NAPEPLD: variants seen among roughly 807,000 people sequenced by gnomAD.
The protein encoded by NAPEPLD is N-acyl-phosphatidylethanolamine-hydrolyzing phospholipase D.
A neutral mutation model predicts 38.1 loss-of-function variants in NAPEPLD; 23 were observed. The ratio of observed to expected loss-of-function variants is 0.60; its 90% confidence interval spans 0.43 to 0.86. NAPEPLD has a LOEUF of 0.86. Ranked by LOEUF, NAPEPLD falls within the 40% of genes least tolerant of loss-of-function variation. The probability of loss-of-function intolerance (pLI) is 0.00; values close to 1 mark genes in which losing one functional copy is unlikely to be tolerated. For synonymous variants in NAPEPLD, 147 were observed against 162.0 expected, an observed-to-expected ratio of 0.91 and a Z score of 0.71; for missense variants, 411 against 476.8, an observed-to-expected ratio of 0.86 and a Z score of 1.28.
intron 1 of NAPEPLD, among the ~76,000 whole-genome samples, chr7:103,129,721 A>G (rs1035908984): frequency 2.0e-5 from 3 of 152,192 alleles, no homozygotes; most frequent in Admixed American, 1.3e-4. Context: ...GTGAGTATGT[A>G]TCCTAGCTAT....
chr7:103,121,266 G>A (rs1460747563), intron 2 of NAPEPLD, among the ~76,000 whole-genome samples: 1 of 152,136 alleles, frequency 6.6e-6, no homozygotes, highest in Admixed American at 6.6e-5. Context: ...TTTATACTTG[G>A]ATTAAGCTAG....
intron 3 of NAPEPLD, among the ~76,000 whole-genome samples, chr7:103,118,618 T>C: frequency 6.6e-6 from 1 of 152,248 alleles, no homozygotes; most frequent in East Asian, 1.9e-4. Context: ...CAAAATGTTG[T>C]TGTATGTATC....
chr7:103,104,948 A>T (rs1803005265), intron 4 of NAPEPLD, among the ~76,000 whole-genome samples: 1 of 152,204 alleles, frequency 6.6e-6, no homozygotes, highest in Non-Finnish European at 1.5e-5. Flanking sequence ...CTACGTCAGT[A>T]ACTTATTTGC....
At chr7:103,125,988 T>G (rs975710488) in intron 2 of NAPEPLD, among the ~76,000 whole-genome samples, 1 of 152,092 alleles carries the variant, frequency 6.6e-6, no homozygotes, top group African/African-American at 2.4e-5. Flanking sequence ...TTGCTGAAAT[T>G]TATTAAAATT....
chr7:103,117,431 A>G (rs1687456994), intron 3 of NAPEPLD, among the ~76,000 whole-genome samples: 1 of 152,216 alleles, frequency 6.6e-6, no homozygotes, highest in African/African-American at 2.4e-5. Flanking sequence ...CCTGAAATAG[A>G]TTTAAATTTT....
At chr7:103,112,513 A>G (rs1008272744) in intron 4 of NAPEPLD, among the ~76,000 whole-genome samples, 1 of 152,156 alleles carries the variant, frequency 6.6e-6, no homozygotes, top group Non-Finnish European at 1.5e-5. Flanking sequence ...ACAGAAAACC[A>G]AACACCGCAT....
chr7:103,119,765 G>C lies in NAPEPLD; in HGVS notation c.753C>G (p.Ser251=). 1 of 1,614,096 alleles carries C rather than the reference G, an allele frequency of 6.2e-7. No homozygotes were observed. Among genetic ancestry groups the C allele is most frequent in the Non-Finnish European group, 8.5e-7 (1 of 1,180,010 alleles). ...HDKVTFVFTP[S]QHWCKRTLMD... is the part of the protein sequence containing the mutation. ...TTAGAGTCCTTTTACACCAGTGCTG[G>C]GAAGGTGTAAAGACAAAAGTGACCT... The change falls in exon 3 of 5, where the codon TCC becomes TCG. Residue 251 remains serine (S), a synonymous_variant. Coordinates refer to ENST00000465647, the MANE Select transcript of NAPEPLD (RefSeq NM_001122838.3).
Position 103,110,543 on chromosome 7 carries a change from G to A in NAPEPLD, c.1056+4517C>T, listed in dbSNP as rs570685030. Among the ~76,000 whole-genome samples, 5 of 151,016 alleles carry A rather than the reference G, an allele frequency of 3.3e-5. 1 individual carries two copies. The highest frequency in any genetic ancestry group is 1.2e-4 in the African/African-American group (5 of 41,370). ...TCGACAAAATTCAACAACCCTTCAA[G>A]TTATTCAATAAACTAGGTATTAATG... On this transcript the variant is annotated intron_variant, in intron 4 of 4. Coordinates refer to ENST00000465647, the MANE Select transcript of NAPEPLD (RefSeq NM_001122838.3).
At chr7:103,122,649 AC>A (rs1806956284) in intron 2 of NAPEPLD, among the ~76,000 whole-genome samples, 1 of 152,240 alleles carries the variant, frequency 6.6e-6, no homozygotes, top group African/African-American at 2.4e-5. Context: ...GGATAGAATT[AC>A]GAGTGGCTGG....
At chr7:103,115,490 A>C (rs1031128505) in intron 3 of NAPEPLD, 1 of 221,876 alleles carries the variant, frequency 4.5e-6, no homozygotes, top group Non-Finnish European at 8.7e-6. Flanking sequence ...AAATTGCTAT[A>C]AAATAAGTAA....
intron 1 of NAPEPLD, among the ~76,000 whole-genome samples, chr7:103,146,968 C>T (rs1405235350): frequency 6.6e-6 from 1 of 152,056 alleles, no homozygotes; most frequent in Non-Finnish European, 1.5e-5. Context: ...TTTGAAAGAG[C>T]TTTGTAAATG....
At chr7:103,139,125 C>A (rs1027676365) in intron 1 of NAPEPLD, among the ~76,000 whole-genome samples, 2 of 152,136 alleles carry the variant, frequency 1.3e-5, no homozygotes, top group African/African-American at 4.8e-5. Context: ...TTATTAAGAG[C>A]CAGGACATAT....
At chr7:103,134,283 T>C (rs1809577982) in intron 1 of NAPEPLD, among the ~76,000 whole-genome samples, 2 of 152,234 alleles carry the variant, frequency 1.3e-5, no homozygotes, top group Admixed American at 1.3e-4. Context: ...CTAAATTTGT[T>C]CTAGAAAACT....
At chr7:103,126,473 C>G (rs1807816069) in intron 2 of NAPEPLD, among the ~76,000 whole-genome samples, 1 of 152,206 alleles carries the variant, frequency 6.6e-6, no homozygotes, top group African/African-American at 2.4e-5. Flanking sequence ...TAGGCTTGCT[C>G]TTTAGGACCT....
chr7:103,121,767 G>GT (rs1806743228), intron 2 of NAPEPLD, among the ~76,000 whole-genome samples: 1 of 151,926 alleles, frequency 6.6e-6, no homozygotes, highest in African/African-American at 2.4e-5. Flanking sequence ...ATGTATGTTT[G>GT]TAAGTTGCCA....
rs369637374 is a variant in NAPEPLD, at chr7:103,103,551, A to C, written c.1060T>G (p.Tyr354Asp). The C allele has an allele frequency of 3.8e-6, 6 of 1,572,422 alleles. No individual in the cohort carries two copies. The highest frequency in any genetic ancestry group is 5.1e-6 in the Non-Finnish European group (6 of 1,169,006). ...WGTFALANEH[Y>D]LEPPVKLNEA... ...TTCAGCTTCACTGGAGGCTCTAAGT[A>C]ATGCTGGCCAAAGAGAAAGAAGAAA... Residue 354 changes from tyrosine to aspartate, a missense_variant, in exon 5 of 5, where the codon TAC (tyrosine) becomes GAC (aspartate). By Grantham distance (160) the Tyr-to-Asp change is radical (BLOSUM62 -3). Transcript: ENST00000465647.
intron 1 of NAPEPLD, among the ~76,000 whole-genome samples, chr7:103,131,180 T>C (rs1318679405): frequency 1.3e-5 from 2 of 152,166 alleles, no homozygotes; most frequent in Non-Finnish European, 2.9e-5. Context: ...CATATGTATG[T>C]ATATATATAC....
At chr7:103,108,363 G>A (rs200814502) in intron 4 of NAPEPLD, among the ~76,000 whole-genome samples, 3 of 152,082 alleles carry the variant, frequency 2.0e-5, no homozygotes, top group African/African-American at 7.2e-5. Context: ...GGCTGGTCTC[G>A]AACTCCTGAC....
intron 2 of NAPEPLD, among the ~76,000 whole-genome samples, chr7:103,120,807 AG>A (rs1458752133): frequency 3.2e-5 from 4 of 124,404 alleles, no homozygotes; most frequent in African/African-American, 5.9e-5. Context: ...ACAACCCCCC[AG>A]GGTCAAGTGA....
Sources: allele counts gnomAD v4.1 joint callset (sites outside exome capture counted in the v4.1 genomes callset), GRCh38; gene constraint gnomAD v4.1.1; transcripts MANE v1.5; gene names NCBI Gene and HGNC (gene_info 2026-07-23, HGNC 2026-07-21).